LPCAT1: variants seen among roughly 807,000 people sequenced by gnomAD.
LPCAT1 encodes lysophosphatidylcholine acyltransferase 1, also known as 1-acylglycerol-3-phosphate O-acyltransferase.
LPCAT1 carries 23 observed loss-of-function variants against 60.9 expected under a neutral mutation model. The ratio of observed to expected loss-of-function variants is 0.38; its 90% CI spans 0.27 to 0.53. The LOEUF is 0.53. Among genes scored for constraint, LPCAT1 ranks in the 20% least tolerant of loss-of-function variants. The pLI is 0.82. For missense variants in LPCAT1, 622 were observed against 723.6 expected, an observed-to-expected ratio of 0.86 and a Z score of 1.61; for synonymous variants, 340 against 301.1, an observed-to-expected ratio of 1.13 and a Z score of -1.34.
intron 1 of LPCAT1, among the ~76,000 whole-genome samples, chr5:1,517,561 C>A (rs1736541470): frequency 6.6e-6 from 1 of 152,202 alleles, no homozygotes; most frequent in Non-Finnish European, 1.5e-5. Context: ...GCCAGACACC[C>A]AGCAAGTGTG....
rs936273658 is a variant in LPCAT1 at position 1,463,366 on chromosome 5, G to A, written c.*285C>T. ...CCAGGGCCCCGTGGGAGAACACGGG[G>A]CGGCACCGGTGCCCCCCGCCCGGCA... On this transcript the variant is annotated 3_prime_UTR_variant, in exon 14 of 14. Transcript: ENST00000283415. The A allele has an allele frequency of 9.5e-6, 4 of 419,044 alleles. No individual in the cohort carries two copies. Among genetic ancestry groups the A allele is most frequent in the Non-Finnish European group, 1.7e-5 (4 of 233,420 alleles). The allele number at this position is 419,044 out of a possible 1,614,324, so 26.0% of individuals were successfully genotyped here. A position where few individuals can be genotyped will look rare whatever the true frequency, so the allele number is the denominator to read the frequency against.
intron 1 of LPCAT1, among the ~76,000 whole-genome samples, chr5:1,509,857 A>C (rs1225961426): frequency 6.6e-6 from 1 of 152,148 alleles, no homozygotes; most frequent in East Asian, 1.9e-4. Flanking sequence ...CTGCACACAC[A>C]ACCACTCTTA....
chr5:1,474,480 T>C, intron 10 of LPCAT1, 80 bp downstream of exon 10: 2 of 1,544,124 alleles, frequency 1.3e-6, no homozygotes, highest in East Asian at 2.3e-5. Flanking sequence ...TTCCCCTCCC[T>C]GCAACCCCAG....
In LPCAT1 at chr5:1,488,032, C is replaced by T. The variant is rs144896099; in HGVS notation, c.667+359G>A. On this transcript the variant is annotated intron_variant, in intron 5 of 13. Transcript: ENST00000283415. ...GGGATTTGCACCTGGGATTCCCAGG[C>T]GGGTGTGGGGCGTGAGCTGCAGGCC... Among the ~76,000 whole-genome samples, 94 of 152,218 alleles carry T rather than the reference C, an allele frequency of 6.2e-4. No individual in the cohort carries two copies. The East Asian group carries it at 0.016, about 26-fold the overall frequency.
At chr5:1,466,272 AC>A (rs1734397305) in intron 13 of LPCAT1, among the ~76,000 whole-genome samples, 1 of 152,106 alleles carries the variant, frequency 6.6e-6, no homozygotes, top group Admixed American at 6.5e-5. Flanking sequence ...TCAGATGTCC[AC>A]AGACAGGTGA....
At chr5:1,512,257 C>A (rs567139384) in intron 1 of LPCAT1, among the ~76,000 whole-genome samples, 1 of 152,220 alleles carries the variant, frequency 6.6e-6, no homozygotes, top group Non-Finnish European at 1.5e-5. Flanking sequence ...CCCTCCATGC[C>A]CCATGTCCAA....
rs1353823129 is a variant in LPCAT1, at chr5:1,523,489, C to A, written c.135+221G>T. Reference sequence around the variant, plus strand: ...AGGAAGGCGCTGAGGGACCAGGATGCGCGTGCGGGCGGCGGGAAGCCGGCG... The same window carrying A: ...AGGAAGGCGCTGAGGGACCAGGATGAGCGTGCGGGCGGCGGGAAGCCGGCG... On this transcript the variant is annotated intron_variant, in intron 1 of 13. Transcript: ENST00000283415. This position sits in a 1 kb window ranked among gnomAD's most constrained non-coding sequence, Gnocchi z 7.1. Among the ~76,000 whole-genome samples the A allele has an allele frequency of 6.6e-6, 1 of 151,446 alleles. No homozygotes were observed. Among genetic ancestry groups the A allele is most frequent in the African/African-American group, 2.4e-5 (1 of 41,312 alleles).
At position 1,480,245 on chromosome 5, in the gene LPCAT1, C is replaced by T. The variant is rs1296981681; in HGVS notation, c.762-570G>A. The stretch of plus-strand genomic sequence containing the variant: ...CCCTATACCCCCCAGAGCCCCCTCC[C>T]AGCTCTGCTCCCAGCTGGGAGCCTC... On this transcript the variant is annotated intron_variant, in intron 7 of 13. Coordinates refer to ENST00000283415, the MANE Select transcript of LPCAT1 (RefSeq NM_024830.5). This position sits in a 1 kb window ranked among gnomAD's most constrained non-coding sequence, Gnocchi z 6.4. 1.2e-6 allele frequency: 1 copy of T among 816,366 alleles called. No homozygotes were observed. The highest frequency in any genetic ancestry group is 1.5e-6 in the Non-Finnish European group (1 of 676,084). 50.6% of individuals were successfully genotyped at this position (816,366 alleles called of 1,614,324 possible). A position where few individuals can be genotyped will look rare whatever the true frequency, so the allele number is the denominator to read the frequency against.
intron 3 of LPCAT1, 30 bp from the exon 4 acceptor site, chr5:1,489,888 T>C: frequency 6.7e-7 from 1 of 1,498,614 alleles, no homozygotes; most frequent in Non-Finnish European, 9.3e-7. Flanking sequence ...ACGGATCACG[T>C]GGAATGCACG....
At chr5:1,467,183 G>A (rs1734450688) in intron 12 of LPCAT1, 1 of 345,446 alleles carries the variant, frequency 2.9e-6, no homozygotes, top group Middle Eastern at 7.4e-4. Context: ...ACCAGCACCT[G>A]TGGCTGCCAC....
intron 1 of LPCAT1, among the ~76,000 whole-genome samples, chr5:1,518,860 C>T (rs193300942): frequency 1.3e-5 from 2 of 152,324 alleles, no homozygotes; most frequent in Admixed American, 6.5e-5. Flanking sequence ...GAGCCACGAC[C>T]ACAGGCAGTG....
At chr5:1,501,388 G>A (rs1735997263) in intron 2 of LPCAT1, 73 bp downstream of exon 2, 1 of 1,522,464 alleles carries the variant, frequency 6.6e-7, no homozygotes, top group Non-Finnish European at 8.9e-7. Context: ...CAACCCCACT[G>A]TGAGAATGGG....
At chr5:1,474,712 G>C in intron 9 of LPCAT1, 27 bp from the exon 10 acceptor site, 2 of 1,601,416 alleles carry the variant, frequency 1.2e-6, no homozygotes, top group Non-Finnish European at 1.7e-6. Context: ...ACCCCCGTCA[G>C]CCCAGCCTCG....
chr5:1,504,751 G>C (rs1175022008), intron 1 of LPCAT1, among the ~76,000 whole-genome samples: 1 of 150,798 alleles, frequency 6.6e-6, no homozygotes, highest in East Asian at 1.9e-4. Flanking sequence ...TAAGTTACTG[G>C]GTAAGTTTCT....
chr5:1,523,927 G>T lies in LPCAT1; in HGVS notation c.-83C>A, dbSNP rs1218575639. On this transcript the variant is annotated 5_prime_UTR_variant, in exon 1 of 14. Coordinates refer to ENST00000283415, the MANE Select transcript of LPCAT1 (RefSeq NM_024830.5). The surrounding 1 kb of genome is among the most constrained non-coding windows in gnomAD (Gnocchi z 7.1). The stretch of plus-strand genomic sequence containing the variant: ...GGGCTAGCTGGGCGCGGGTCTCGGG[G>T]CGCGGGCCGAGGATGCGCGGCGGCT... 1.3e-5 allele frequency: 12 copies of T among 937,356 alleles called. No homozygotes were observed. The Admixed American group carries it at 3.0e-4, about 24-fold the overall frequency. 58.1% of individuals were successfully genotyped at this position (937,356 alleles called of 1,614,324 possible).
At chr5:1,485,444 C>T (rs1250074415) in intron 5 of LPCAT1, among the ~76,000 whole-genome samples, 1 of 152,214 alleles carries the variant, frequency 6.6e-6, no homozygotes, top group Non-Finnish European at 1.5e-5. Flanking sequence ...CTTCTGAATG[C>T]AGGAACAAGG....
chr5:1,499,823 T>C (rs1735940721), intron 2 of LPCAT1, among the ~76,000 whole-genome samples: 1 of 152,270 alleles, frequency 6.6e-6, no homozygotes, highest in South Asian at 2.1e-4. Flanking sequence ...CCTAACTGCA[T>C]GTCTGAGTGT....
chr5:1,479,424 G>C, intron 8 of LPCAT1, 197 bp downstream of exon 8: 1 of 595,664 alleles, frequency 1.7e-6, no homozygotes, highest in Non-Finnish European at 3.0e-6. Flanking sequence ...AAGTGGTTCA[G>C]ACTCATAAGA....
At chr5:1,464,831 CACGTACACACAAGT>C (rs1219752433) in intron 13 of LPCAT1, among the ~76,000 whole-genome samples, 3 of 150,008 alleles carry the variant, frequency 2.0e-5, no homozygotes, top group East Asian at 2.0e-4. Flanking sequence ...ATCACACATG[CACGTACACACAAGT>C]GTGTGCACAC....
Sources: gnomAD v4.1 joint callset for allele counts (sites outside exome capture counted in the v4.1 genomes callset) on GRCh38, gnomAD v4.1.1 for gene constraint, Gnocchi (gnomAD v3.1) non-coding constraint, MANE v1.5 for transcripts, NCBI Gene and HGNC (gene_info 2026-07-23, HGNC 2026-07-21) for gene names.